CDK13: variants seen among roughly 807,000 people sequenced by gnomAD.
CDK13 encodes the protein cyclin-dependent kinase 13.
A neutral mutation model predicts 137.6 loss-of-function variants in CDK13; 40 were observed. The observed-to-expected ratio is 0.29, with a 90% confidence interval of 0.23 to 0.38. The LOEUF is 0.38. Among genes scored for constraint, CDK13 ranks in the 10% least tolerant of loss-of-function variants. The pLI, the probability that CDK13 is intolerant of heterozygous loss-of-function variation, is 1.00. For missense variants in CDK13, 1,704 were observed against 1,951.8 expected, an observed-to-expected ratio of 0.87 and a Z score of 2.39; for synonymous variants, 869 against 760.1, an observed-to-expected ratio of 1.14 and a Z score of -2.36.
chr7:40,053,009 A>T (rs1046951156), intron 7 of CDK13, among the ~76,000 whole-genome samples: 1 of 152,224 alleles, frequency 6.6e-6, no homozygotes, highest in Non-Finnish European at 1.5e-5. Flanking sequence ...ATATGATTAA[A>T]CAAGCTTCAG....
In CDK13 at chr7:40,064,957, A is replaced by ATTTTTTTTT. The variant is rs56710188; in HGVS notation, c.2780+1883_2780+1891dup. Among the ~76,000 whole-genome samples the ATTTTTTTTT allele has an allele frequency of 8.7e-5, 4 of 46,102 alleles. 1 individual carries two copies. Among genetic ancestry groups the ATTTTTTTTT allele is most frequent in the Non-Finnish European group, 1.2e-4 (3 of 25,176 alleles). The allele number at this position is 46,102 out of a possible 152,430, so 30.2% of individuals were successfully genotyped here. ...CAGGCATGCACCACCATGCTGGGTGATTTTTTTTTTTTTTTTTTTTTTTTT... is the reference window on the plus strand; with the variant it reads ...CAGGCATGCACCACCATGCTGGGTGATTTTTTTTTTTTTTTTTTTTTTTTTTTTTTTTTT... On this transcript the variant is annotated intron_variant, in intron 9 of 13. Transcript: ENST00000181839.
chr7:40,023,924 CTG>C (rs1785183698), intron 5 of CDK13, among the ~76,000 whole-genome samples: 1 of 152,198 alleles, frequency 6.6e-6, no homozygotes, highest in Non-Finnish European at 1.5e-5. Flanking sequence ...TTAGTCAGCT[CTG>C]TCTTCCATTC....
At chr7:39,985,127 C>T (rs1270962355) in intron 1 of CDK13, 1 of 150,288 alleles carries the variant, frequency 6.7e-6, no homozygotes, top group Non-Finnish European at 1.5e-5. Flanking sequence ...ATGTCACTAC[C>T]CCTCCAGCCT....
intron 5 of CDK13, among the ~76,000 whole-genome samples, chr7:40,042,019 C>A (rs1187092137): frequency 6.6e-6 from 1 of 152,076 alleles, no homozygotes; most frequent in African/African-American, 2.4e-5. Context: ...CATAGGCATT[C>A]TTTTGCATAT....
At chr7:39,967,403 G>C (rs1666705312) in intron 1 of CDK13, among the ~76,000 whole-genome samples, 1 of 151,854 alleles carries the variant, frequency 6.6e-6, no homozygotes, top group African/African-American at 2.4e-5. Context: ...CTGCACTCCA[G>C]CCTGGGCAAC....
rs1388687326 is a variant in CDK13, at chr7:40,050,347, AAACTT to A, written c.2600+2476_2600+2480del. ...ATTGGTCTGAACTGTACTTAATCCA[AAACTT>A]AACTTGAAGTATATTTTTTTCTTCT... On this transcript the variant is annotated intron_variant, in intron 7 of 13. Coordinates refer to ENST00000181839, the MANE Select transcript of CDK13 (RefSeq NM_003718.5). Among the ~76,000 whole-genome samples the A allele has an allele frequency of 3.3e-5, 5 of 152,118 alleles. 1 individual carries two copies. The highest frequency in any genetic ancestry group is 1.2e-4 in the African/African-American group (5 of 41,424).
chr7:39,951,348 G>A lies in CDK13; in HGVS notation c.707G>A (p.Ser236Asn), dbSNP rs945773716. 3.4e-6 allele frequency: 5 copies of A among 1,480,458 alleles called. No individual in the cohort carries two copies. The highest frequency in any genetic ancestry group is 4.8e-5 in the Admixed American group (2 of 41,610). The allele number at this position is 1,480,458 out of a possible 1,614,324, so 91.7% of individuals were successfully genotyped here. The part of the protein sequence containing the change: ...SEASKSRSRH[S>N]HSGEERAEVA... Reference sequence around the variant, plus strand: ...GCCTCCAAGTCCCGCAGCCGCCACAGCCACAGCGGCGAGGAACGGGCCGAG... The same window carrying A: ...GCCTCCAAGTCCCGCAGCCGCCACAACCACAGCGGCGAGGAACGGGCCGAG... The change falls in exon 1 of 14, where the codon AGC becomes AAC. Residue 236 changes from serine (S) to asparagine (N), a missense_variant. This residue lies in a region of CDK13 where 1,051 missense variants were observed against 931.0 expected (regional missense o/e 1.13). Coordinates refer to ENST00000181839, the MANE Select transcript of CDK13 (RefSeq NM_003718.5).
Position 39,997,546 on chromosome 7 carries a change from C to A in CDK13, c.1924C>A (p.Leu642Ile), listed in dbSNP as rs142998576. The change falls in exon 3 of 14, where the codon CTC becomes ATC. Residue 642 changes from leucine to isoleucine, a missense_variant. Coordinates refer to ENST00000181839, the MANE Select transcript of CDK13 (RefSeq NM_003718.5). ...KAVKKEVEKK[L>I]RCLLADLPLP... ...AGTTAAAAAAGAAGTAGAAAAGAAA[C>A]TCCGATGTCTTCTTGCTGATTTACC... is the stretch of plus-strand genomic sequence containing the variant. 7 of 1,603,498 alleles carry A rather than the reference C, an allele frequency of 4.4e-6. No individual in the cohort carries two copies. The highest frequency in any genetic ancestry group is 1.3e-5 in the African/African-American group (1 of 74,138).
chr7:40,049,302 C>A (rs1344268746), intron 7 of CDK13: 1 of 151,220 alleles, frequency 6.6e-6, no homozygotes, highest in Non-Finnish European at 1.5e-5. Flanking sequence ...TGTGATTGGA[C>A]CTCCAGTCCT....
chr7:39,976,317 T>TCACACACACACA (rs1240166684), intron 1 of CDK13, among the ~76,000 whole-genome samples: 30 of 63,810 alleles, frequency 4.7e-4, no homozygotes, highest in African/African-American at 1.2e-3. Flanking sequence ...TCTCTCTCTC[T>TCACACACACACA]CTCTCTCACA....
At chr7:40,000,286 A>G (rs985033546) in intron 4 of CDK13, among the ~76,000 whole-genome samples, 1 of 152,150 alleles carries the variant, frequency 6.6e-6, no homozygotes, top group African/African-American at 2.4e-5. Context: ...TTGAGGCTTG[A>G]ACCCAGGGAG....
At chr7:39,991,756 A>G (rs1001148499) in intron 2 of CDK13, among the ~76,000 whole-genome samples, 1 of 152,262 alleles carries the variant, frequency 6.6e-6, no homozygotes, top group South Asian at 2.1e-4. Context: ...TATATGCTCC[A>G]TCTCAGCAGG....
chr7:39,972,704 T>C (rs1411720256), intron 1 of CDK13, among the ~76,000 whole-genome samples: 2 of 152,246 alleles, frequency 1.3e-5, no homozygotes, highest in African/African-American at 2.4e-5. Flanking sequence ...CCACATTTTA[T>C]CATTAGTCAT....
chr7:40,035,660 T>C (rs1047271074), intron 5 of CDK13, among the ~76,000 whole-genome samples: 1 of 152,048 alleles, frequency 6.6e-6, no homozygotes, highest in African/African-American at 2.4e-5. Context: ...CCACTGATTG[T>C]ACATTATGGT....
intron 1 of CDK13, among the ~76,000 whole-genome samples, chr7:39,969,420 T>G (rs538687276): frequency 6.6e-6 from 1 of 152,362 alleles, no homozygotes; most frequent in East Asian, 1.9e-4. Flanking sequence ...ACATCCAGTT[T>G]ACCCAGTTGG....
intron 5 of CDK13, among the ~76,000 whole-genome samples, chr7:40,003,153 T>TACAC (rs71560157): frequency 0.01 from 1,255 of 119,830 alleles, 4 homozygotes; most frequent in East Asian, 0.013. Context: ...CTTCCCCAGC[T>TACAC]ACACACACAC....
chr7:40,062,293 T>C (rs1346986629), intron 7 of CDK13: 1 of 116,192 alleles, frequency 8.6e-6, no homozygotes, highest in Admixed American at 7.5e-5. Flanking sequence ...AGTAAACTAC[T>C]TTTTTTTTTT....
chr7:39,987,129 A>G (rs1433180940), intron 1 of CDK13: 1 of 152,536 alleles, frequency 6.6e-6, no homozygotes, highest in Non-Finnish European at 1.5e-5. Flanking sequence ...ACGAACTCTA[A>G]GAGACTCTAC....
intron 1 of CDK13, among the ~76,000 whole-genome samples, chr7:39,970,258 A>G (rs1783967925): frequency 6.6e-6 from 1 of 151,606 alleles, no homozygotes; most frequent in Admixed American, 6.6e-5. Flanking sequence ...CTGCCTCCCA[A>G]AGTGCTGGGA....
Sources: allele counts gnomAD v4.1 joint callset (sites outside exome capture counted in the v4.1 genomes callset), GRCh38; gene constraint gnomAD v4.1.1; regional missense constraint gnomAD v4.1.1; transcripts MANE v1.5; gene names NCBI Gene and HGNC (gene_info 2026-07-23, HGNC 2026-07-21).